Variants in ARHGAP27 observed in about 807,000 individuals in gnomAD.
The protein encoded by ARHGAP27 is rho GTPase-activating protein 27.
ARHGAP27 carries 53 observed loss-of-function variants against 102.0 expected under a neutral mutation model. The ratio of observed to expected loss-of-function variants is 0.52; its 90% CI spans 0.42 to 0.65. The LOEUF is 0.65. Ranked by LOEUF, ARHGAP27 falls within the 30% of genes least tolerant of loss-of-function variation. ARHGAP27 has a pLI of 0.00. For synonymous variants in ARHGAP27, 525 were observed against 542.8 expected (o/e 0.97, Z 0.46); for missense variants, 1,117 against 1,256.2 (o/e 0.89, Z 1.68).
chr17:45,417,582 C>T (rs936605612), intron 4 of ARHGAP27, among the ~76,000 whole-genome samples: 1 of 151,878 alleles, frequency 6.6e-6, no homozygotes, highest in Non-Finnish European at 1.5e-5. Context: ...GCCTGGCCAA[C>T]ATGGTGAAAC....
intron 4 of ARHGAP27, among the ~76,000 whole-genome samples, chr17:45,428,970 T>G (rs1021186723): frequency 2.0e-5 from 3 of 152,118 alleles, no homozygotes; most frequent in Non-Finnish European, 2.9e-5. Context: ...AAAAACAACC[T>G]CACTTAACCG....
chr17:45,429,587 C>T (rs1567741662), intron 4 of ARHGAP27, 36 bp downstream of exon 4: 2 of 1,575,350 alleles, frequency 1.3e-6, no homozygotes, highest in Admixed American at 1.8e-5. Flanking sequence ...CCCTAGCGCG[C>T]CACCCGCCTC....
At chr17:45,400,459 T>C (rs2046306609) in intron 12 of ARHGAP27, among the ~76,000 whole-genome samples, 1 of 152,170 alleles carries the variant, frequency 6.6e-6, no homozygotes, top group Admixed American at 6.5e-5. Context: ...ACCTTCCCAC[T>C]GGCCTGAGCA....
intron 4 of ARHGAP27, among the ~76,000 whole-genome samples, chr17:45,415,447 T>C (rs997631602): frequency 1.3e-5 from 2 of 152,198 alleles, no homozygotes; most frequent in African/African-American, 2.4e-5. Flanking sequence ...CCCCACCGGC[T>C]GTAGATCAAC....
chr17:45,398,098 G>T, intron 12 of ARHGAP27, 51 bp from the exon 13 acceptor site: 1 of 1,507,946 alleles, frequency 6.6e-7, no homozygotes, highest in Non-Finnish European at 9.1e-7. Flanking sequence ...GGTCTGCCCT[G>T]GGGGTTGGCC....
chr17:45,416,344 G>A (rs556493115), intron 4 of ARHGAP27, among the ~76,000 whole-genome samples: 13 of 151,930 alleles, frequency 8.6e-5, no homozygotes, highest in Admixed American at 3.9e-4. Context: ...GTGAGCCACC[G>A]CGCCCAGCCT....
chr17:45,395,791 G>A lies in ARHGAP27; in HGVS notation c.2445C>T (p.Pro815=), dbSNP rs1408052255. ...TCCGCAGAGTGTCGTGGTTGGGAGC[G>A]GGCAGCGAGCGCACCAAGTCACGCA... ...RCVRDLVRSL[P]APNHDTLRML... The change falls in exon 19 of 20, where the codon CCC becomes CCT. Residue 815 remains proline (P), a synonymous_variant. Coordinates refer to ENST00000685559, the MANE Select transcript of ARHGAP27 (RefSeq NM_001282290.2). The A allele has an allele frequency of 3.7e-6, 6 of 1,605,586 alleles. No individual in the cohort carries two copies. Among genetic ancestry groups the A allele is most frequent in the African/African-American group, 1.3e-5 (1 of 74,808 alleles).
chr17:45,395,940 C>T (rs375983691), intron 18 of ARHGAP27, 43 bp downstream of exon 18: 8 of 1,575,156 alleles, frequency 5.1e-6, no homozygotes, highest in African/African-American at 2.7e-5. Context: ...GGGTGCCCCG[C>T]CACGCCCCTA....
In ARHGAP27 at chr17:45,403,630, C is replaced by A. The variant is rs1364762135; in HGVS notation, c.1627G>T (p.Ala543Ser). 6.2e-7 allele frequency: 1 copy of A among 1,613,886 alleles called. No homozygotes were observed. Residue 543 changes from alanine to serine, a missense_variant, in exon 11 of 20, where the codon GCA becomes TCA. Coordinates refer to ENST00000685559, the MANE Select transcript of ARHGAP27 (RefSeq NM_001282290.2). ...TFFKDSKTSAAGGLRQPSKFS... is the reference protein window; with the variant it reads ...TFFKDSKTSASGGLRQPSKFS... ...GGGCCTGGCCTTACCAGGCCGCCTG[C>A]AGCCGAGGTCTTTGAGTCCTTGAAG...
At chr17:45,413,431 C>T (rs369977895) in intron 4 of ARHGAP27, among the ~76,000 whole-genome samples, 8 of 152,242 alleles carry the variant, frequency 5.3e-5, no homozygotes, top group African/African-American at 1.9e-4. Context: ...TGTCTAGACT[C>T]TACTTCAGCT....
intron 4 of ARHGAP27, chr17:45,425,514 T>A (rs1395140348): frequency 1.0e-6 from 1 of 971,980 alleles, no homozygotes; most frequent in Admixed American, 6.2e-5. Flanking sequence ...GGGGAGAGAT[T>A]GGGGAAACTG....
At position 45,397,009 on chromosome 17, in the gene ARHGAP27, G is replaced by A; in HGVS notation, c.1858C>T (p.Pro620Ser). The A allele has an allele frequency of 6.2e-7, 1 of 1,603,778 alleles. No individual in the cohort carries two copies. The highest frequency in any genetic ancestry group is 1.1e-5 in the South Asian group (1 of 91,084). The change falls in exon 14 of 20, where the codon CCA becomes TCA. Residue 620 changes from proline to serine, a missense_variant. Coordinates refer to ENST00000685559, the MANE Select transcript of ARHGAP27 (RefSeq NM_001282290.2). The part of the protein sequence containing the change: ...GIQELSAELP[P>S]EESESSRVDF... ...ACTCTGCTGCTCTCGCTCTCCTCTG[G>A]GGGCAGCTCTGCGGACTGGATTCCC... is the stretch of plus-strand genomic sequence containing the variant.
intron 4 of ARHGAP27, among the ~76,000 whole-genome samples, chr17:45,413,446 G>A (rs901951604): frequency 8.5e-5 from 13 of 152,048 alleles, no homozygotes; most frequent in African/African-American, 2.9e-4. Flanking sequence ...TCAGCTTCTC[G>A]CTGAGCAGCT....
chr17:45,422,849 T>G lies in ARHGAP27; in HGVS notation c.657+6774A>C, dbSNP rs374113922. On this transcript the variant is annotated intron_variant, in intron 4 of 19. Transcript: ENST00000685559. ...AATAATACAATCAATAAACATGATT[T>G]GATGCAGATAGTACCTTATATCCCT... Among the ~76,000 whole-genome samples the G allele has an allele frequency of 1.1e-4, 17 of 152,334 alleles. No individual in the cohort carries two copies. In the East Asian group the frequency reaches 2.7e-3, roughly 24 times the overall value.
Position 45,405,933 on chromosome 17 carries a change from T to A in ARHGAP27, c.808A>T (p.Thr270Ser), listed in dbSNP as rs376026230. 1.3e-6 allele frequency: 2 copies of A among 1,535,264 alleles called. No homozygotes were observed. ...GGCGACTCCCAGGTGGTAACTCCCGTGTCTGGGTTGTAGTAGTAGGGGCGC... is the reference window on the plus strand; with the variant it reads ...GGCGACTCCCAGGTGGTAACTCCCGAGTCTGGGTTGTAGTAGTAGGGGCGC... ...TGRPYYYNPD[T>S]GVTTWESPFE... The change falls in exon 5 of 20, where the codon ACG (threonine) becomes TCG (serine). Residue 270 changes from threonine (T) to serine (S), a missense_variant. Physicochemically the swap from Thr to Ser is moderately conservative, Grantham distance 58 (BLOSUM62 1). This residue lies in a region of ARHGAP27 where 610 missense variants were observed against 716.4 expected (regional missense o/e 0.85). Coordinates refer to ENST00000685559, the MANE Select transcript of ARHGAP27 (RefSeq NM_001282290.2).
Position 45,395,338 on chromosome 17 carries a change from C to G in ARHGAP27, c.*118G>C. 7.6e-7 allele frequency: 1 copy of G among 1,312,108 alleles called. No homozygotes were observed. Among genetic ancestry groups the G allele is most frequent in the Non-Finnish European group, 1.0e-6 (1 of 978,916 alleles). The allele number at this position is 1,312,108 out of a possible 1,614,324, so 81.3% of individuals were successfully genotyped here. On this transcript the variant is annotated 3_prime_UTR_variant, in exon 20 of 20. Coordinates refer to ENST00000685559, the MANE Select transcript of ARHGAP27 (RefSeq NM_001282290.2). ...AGAACCGAGGGTGCAGAAGTCACAC[C>G]GGCCTGCGGCTATGCGCTGGCGGAG... is the stretch of plus-strand genomic sequence containing the variant.
At chr17:45,413,377 C>T (rs1025857419) in intron 4 of ARHGAP27, among the ~76,000 whole-genome samples, 3 of 152,042 alleles carry the variant, frequency 2.0e-5, no homozygotes, top group African/African-American at 7.3e-5. Flanking sequence ...TCCATTGATT[C>T]AGAGGGAAAA....
chr17:45,415,475 C>T (rs2060540770), intron 4 of ARHGAP27, among the ~76,000 whole-genome samples: 1 of 152,204 alleles, frequency 6.6e-6, no homozygotes, highest in African/African-American at 2.4e-5. Flanking sequence ...AGCACAGTCT[C>T]CAGGCTCACA....
At chr17:45,397,127 G>A (rs2045843075) in intron 13 of ARHGAP27, 103 bp from the exon 14 acceptor site, 1 of 1,521,540 alleles carries the variant, frequency 6.6e-7, no homozygotes, top group South Asian at 1.3e-5. Flanking sequence ...GCATGGCCTG[G>A]AGACCCTCAG....
Sources: gnomAD v4.1 joint callset for allele counts (sites outside exome capture counted in the v4.1 genomes callset) on GRCh38, gnomAD v4.1.1 for gene constraint, gnomAD v4.1.1 regional missense constraint, MANE v1.5 for transcripts, NCBI Gene and HGNC (gene_info 2026-07-23, HGNC 2026-07-21) for gene names.